TAB2: variants seen among roughly 807,000 people sequenced by gnomAD.
The protein encoded by TAB2 is TGF-beta-activated kinase 1 and MAP3K7-binding protein 2.
TAB2 carries 3 observed loss-of-function variants against 65.0 expected under a neutral mutation model. That is an observed-to-expected ratio of 0.05 (90% CI 0.02 to 0.12). The LOEUF is 0.12. Among genes scored for constraint, TAB2 ranks in the 10% least tolerant of loss-of-function variants. The pLI, the probability that TAB2 is intolerant of heterozygous loss-of-function variation, is 1.00. For synonymous variants in TAB2, 298 were observed against 285.1 expected (o/e 1.05, Z -0.46); for missense variants, 623 against 840.3 (o/e 0.74, Z 3.20).
chr6:149,353,990 C>T (rs1195678202), intron 1 of TAB2, among the ~76,000 whole-genome samples: 2 of 152,146 alleles, frequency 1.3e-5, no homozygotes, highest in African/African-American at 4.8e-5. Context: ...AAAGTTAAAT[C>T]CTGCTTCTCT....
At chr6:149,238,499 T>C (rs779543583) in intron 1 of TAB2, among the ~76,000 whole-genome samples, 7 of 152,144 alleles carry the variant, frequency 4.6e-5, no homozygotes, top group Non-Finnish European at 8.8e-5. Context: ...TCACCCTACA[T>C]GTTCTGGCCC....
At chr6:149,231,950 C>A (rs992390270) in intron 1 of TAB2, among the ~76,000 whole-genome samples, 3 of 152,118 alleles carry the variant, frequency 2.0e-5, no homozygotes, top group Non-Finnish European at 2.9e-5. Flanking sequence ...CCCAGAGCAA[C>A]GGGTTACTGG....
chr6:149,339,087 C>T (rs536850272), intron 1 of TAB2, among the ~76,000 whole-genome samples: 8 of 152,216 alleles, frequency 5.3e-5, no homozygotes, highest in South Asian at 2.1e-4. Flanking sequence ...AGGATATGAC[C>T]GGGCACAGTG....
At chr6:149,329,981 A>G (rs1046058229) in intron 1 of TAB2, among the ~76,000 whole-genome samples, 3 of 152,084 alleles carry the variant, frequency 2.0e-5, no homozygotes, top group African/African-American at 7.2e-5. Context: ...TTACCCCTTA[A>G]GTTTCACCTT....
chr6:149,234,010 A>C (rs1534934), intron 1 of TAB2, among the ~76,000 whole-genome samples: 63,446 of 152,006 alleles, frequency 0.42, 14,165 homozygotes, highest in East Asian at 0.63. Context: ...TTCCAACAGT[A>C]CTTCACTTCA....
chr6:149,349,605 C>G (rs577689789), intron 1 of TAB2, among the ~76,000 whole-genome samples: 1 of 151,142 alleles, frequency 6.6e-6, no homozygotes, highest in African/African-American at 2.5e-5. Flanking sequence ...TCTGTGTTCA[C>G]CTAGTGTTTC....
chr6:149,245,916 C>T (rs1438045271), intron 1 of TAB2, among the ~76,000 whole-genome samples: 1 of 152,156 alleles, frequency 6.6e-6, no homozygotes, highest in Non-Finnish European at 1.5e-5. Flanking sequence ...AAAAATTATA[C>T]AGTCGTTACT....
chr6:149,318,883 A>C (rs888969261), intron 1 of TAB2: 5 of 152,150 alleles, frequency 3.3e-5, no homozygotes, highest in Admixed American at 3.3e-4. Context: ...GTTGTGGATA[A>C]ATTCTTCAAA....
intron 1 of TAB2, among the ~76,000 whole-genome samples, chr6:149,264,748 A>G (rs1778226572): frequency 6.6e-6 from 1 of 152,246 alleles, no homozygotes; most frequent in Non-Finnish European, 1.5e-5. Flanking sequence ...GGATGGTGAC[A>G]GGAACAATGT....
chr6:149,357,060 T>C (rs550620249), intron 1 of TAB2, among the ~76,000 whole-genome samples: 1 of 152,324 alleles, frequency 6.6e-6, no homozygotes, highest in Admixed American at 6.5e-5. Context: ...AAAACTGAAA[T>C]AACCACGTCT....
intron 3 of TAB2, among the ~76,000 whole-genome samples, chr6:149,389,459 A>G (rs1230679313): frequency 6.6e-6 from 1 of 151,860 alleles, no homozygotes; most frequent in Admixed American, 6.6e-5. Flanking sequence ...CAGCCTGACC[A>G]ACATGGAGAA....
intron 1 of TAB2, among the ~76,000 whole-genome samples, chr6:149,363,169 T>G (rs1421661722): frequency 6.6e-6 from 1 of 152,126 alleles, no homozygotes; most frequent in Non-Finnish European, 1.5e-5. Flanking sequence ...ACAAAAATTG[T>G]AAAGTAACTG....
chr6:149,384,348 T>G (rs1781716420), intron 3 of TAB2, among the ~76,000 whole-genome samples: 1 of 152,194 alleles, frequency 6.6e-6, no homozygotes, highest in Non-Finnish European at 1.5e-5. Context: ...GTATATTGTT[T>G]AATACATCCT....
At chr6:149,379,595 G>A in intron 3 of TAB2, 77 bp downstream of exon 3, 3 of 1,373,172 alleles carry the variant, frequency 2.2e-6, no homozygotes, top group Non-Finnish European at 3.1e-6. Flanking sequence ...AACAGAAATG[G>A]ATGTTAGCAT....
chr6:149,345,315 T>C (rs970439815), intron 1 of TAB2, among the ~76,000 whole-genome samples: 1 of 152,160 alleles, frequency 6.6e-6, no homozygotes, highest in Non-Finnish European at 1.5e-5. Flanking sequence ...AAAGTAACTG[T>C]AAATCTCATC....
intron 1 of TAB2, among the ~76,000 whole-genome samples, chr6:149,271,235 GAA>G (rs1433244105): frequency 1.3e-5 from 2 of 151,844 alleles, no homozygotes; most frequent in Non-Finnish European, 2.9e-5. Flanking sequence ...TTTTAAAAAA[GAA>G]TATTATTGAC....
chr6:149,346,939 C>T (rs1780326156), intron 1 of TAB2, among the ~76,000 whole-genome samples: 1 of 152,042 alleles, frequency 6.6e-6, no homozygotes, highest in Admixed American at 6.6e-5. Flanking sequence ...TCCCTTTTAC[C>T]CATAAATAGG....
chr6:149,373,092 G>T (rs1265939256), intron 2 of TAB2, among the ~76,000 whole-genome samples: 2 of 151,994 alleles, frequency 1.3e-5, no homozygotes, highest in East Asian at 3.8e-4. Flanking sequence ...CCTCTTTTTG[G>T]AACTACTCAT....
At chr6:149,392,339 A>C (rs888153322) in intron 3 of TAB2, among the ~76,000 whole-genome samples, 1 of 152,016 alleles carries the variant, frequency 6.6e-6, no homozygotes, top group Non-Finnish European at 1.5e-5. Flanking sequence ...ATAGAGTTTC[A>C]CCATGTGGGC....
Sources: allele counts gnomAD v4.1 joint callset (sites outside exome capture counted in the v4.1 genomes callset), GRCh38; gene constraint gnomAD v4.1.1; transcripts MANE v1.5; gene names NCBI Gene and HGNC (gene_info 2026-07-23, HGNC 2026-07-21).